Variants in ACACA observed in about 807,000 individuals in gnomAD.
The protein encoded by ACACA is acetyl-CoA carboxylase 1.
A neutral mutation model predicts 296.1 loss-of-function variants in ACACA; 103 were observed. That is an observed-to-expected ratio of 0.35 (90% CI 0.30 to 0.41). The LOEUF is 0.41. Among genes scored for constraint, ACACA ranks in the 10% least tolerant of loss-of-function variants. ACACA has a pLI of 1.00. For missense variants in ACACA, 1,554 were observed against 2,989.7 expected (o/e 0.52, Z 11.20); for synonymous variants, 953 against 1,038.6 (o/e 0.92, Z 1.58).
At chr17:37,218,141 C>T (rs1244692545) in intron 29 of ACACA, among the ~76,000 whole-genome samples, 1 of 75,502 alleles carries the variant, frequency 1.3e-5, no homozygotes, top group Admixed American at 2.1e-4. Context: ...CGGGCACTAC[C>T]AGTAACAAAA....
intron 5 of ACACA, among the ~76,000 whole-genome samples, chr17:37,279,062 A>G (rs926144224): frequency 6.6e-6 from 1 of 152,144 alleles, no homozygotes; most frequent in Non-Finnish European, 1.5e-5. Context: ...GCCAACAAAC[A>G]TATTTTAAAA....
At chr17:37,191,385 T>A in intron 37 of ACACA, 110 bp from the exon 38 acceptor site, 2 of 1,098,418 alleles carry the variant, frequency 1.8e-6, no homozygotes, top group Non-Finnish European at 2.7e-6. Context: ...AGGCACTTGG[T>A]GAAGAGATTG....
intron 24 of ACACA, among the ~76,000 whole-genome samples, chr17:37,238,460 C>T (rs1298959551): frequency 6.6e-6 from 1 of 152,066 alleles, no homozygotes; most frequent in Non-Finnish European, 1.5e-5. Flanking sequence ...TCTATCTCTA[C>T]ACCTATCTCA....
chr17:37,228,238 T>C (rs1463796480), intron 25 of ACACA, among the ~76,000 whole-genome samples: 1 of 118,592 alleles, frequency 8.4e-6, no homozygotes, highest in Non-Finnish European at 1.7e-5. Context: ...TTTGAGAAAA[T>C]GATATAATGA....
chr17:37,174,439 A>G (rs1001408848), intron 41 of ACACA, among the ~76,000 whole-genome samples: 1 of 152,146 alleles, frequency 6.6e-6, no homozygotes, highest in African/African-American at 2.4e-5. Context: ...CCTAGCGCCC[A>G]TCTGAAAAAA....
At chr17:37,118,642 A>T (rs545350265) in intron 50 of ACACA, among the ~76,000 whole-genome samples, 5 of 152,330 alleles carry the variant, frequency 3.3e-5, no homozygotes, top group South Asian at 4.1e-4. Flanking sequence ...TGTTACAGGA[A>T]GTCAGACAGA....
intron 39 of ACACA, 69 bp downstream of exon 39, chr17:37,188,208 A>G (rs1004091995): frequency 2.7e-6 from 4 of 1,464,018 alleles, no homozygotes; most frequent in Non-Finnish European, 3.8e-6. Context: ...TGGGTCTTCT[A>G]TAACAAGGAC....
At chr17:37,287,282 A>G (rs1180430671) in intron 3 of ACACA, among the ~76,000 whole-genome samples, 1 of 152,234 alleles carries the variant, frequency 6.6e-6, no homozygotes, top group Non-Finnish European at 1.5e-5. Context: ...TTCTGTGCAC[A>G]TATAGTTTTA....
chr17:37,150,256 T>C (rs2075981168), intron 44 of ACACA, among the ~76,000 whole-genome samples: 1 of 151,496 alleles, frequency 6.6e-6, no homozygotes. Context: ...CAAGACTACC[T>C]TGGGGCCGGG....
At chr17:37,123,320 A>T (rs2074615303) in intron 48 of ACACA, among the ~76,000 whole-genome samples, 1 of 152,206 alleles carries the variant, frequency 6.6e-6, no homozygotes, top group African/African-American at 2.4e-5. Flanking sequence ...TATTAGAATT[A>T]TATATTTAAT....
intron 1 of ACACA, among the ~76,000 whole-genome samples, chr17:37,386,329 T>C (rs1157373688): frequency 6.6e-6 from 1 of 152,116 alleles, no homozygotes; most frequent in Non-Finnish European, 1.5e-5. Flanking sequence ...CTGTGGCTCA[T>C]GTCTGTAATC....
intron 1 of ACACA, among the ~76,000 whole-genome samples, chr17:37,347,744 G>A (rs1280086760): frequency 1.8e-5 from 2 of 112,688 alleles, no homozygotes; most frequent in African/African-American, 3.9e-5. Flanking sequence ...CCCTACTTAC[G>A]TAAAAAAAAA....
chr17:37,263,979 A>G, intron 10 of ACACA, 85 bp from the exon 11 acceptor site: 1 of 1,102,818 alleles, frequency 9.1e-7, no homozygotes, highest in Non-Finnish European at 1.3e-6. Flanking sequence ...TGATTTCAAC[A>G]AGCAGATGTC....
rs367676848 is a variant in ACACA, at chr17:37,161,824, T to C, written c.5306A>G (p.His1769Arg). Reference sequence around the variant, plus strand: ...ATCTACCCAGGCCACATGAAACATATGGCGAATTTCTTCTGCCAGTCCGAT... The same window carrying C: ...ATCTACCCAGGCCACATGAAACATACGGCGAATTTCTTCTGCCAGTCCGAT... ...ARIGLAEEIR[H>R]MFHVAWVDPE... is the part of the protein sequence containing the mutation. Residue 1769 changes from histidine (H) to arginine (R), a missense_variant, in exon 42 of 56, where the codon CAT becomes CGT. Around this residue, in one of 16 missense-constraint regions of ACACA, gnomAD observed 553 missense variants for 1,043.6 expected, o/e 0.53. Coordinates refer to ENST00000616317, the MANE Select transcript of ACACA (RefSeq NM_198834.3). 7 of 1,613,836 alleles carry C rather than the reference T, an allele frequency of 4.3e-6. No homozygotes were observed. The highest frequency in any genetic ancestry group is 4.2e-6 in the Non-Finnish European group (5 of 1,180,002).
intron 42 of ACACA, among the ~76,000 whole-genome samples, chr17:37,158,905 C>CA (rs1302495421): frequency 1.3e-5 from 2 of 152,008 alleles, no homozygotes; most frequent in Non-Finnish European, 2.9e-5. Context: ...TGGCCAGGCA[C>CA]AGTGGCTAAT....
rs2072140035 is a variant in ACACA, at chr17:37,085,495, G to T, written c.*1821C>A. 2 of 397,792 alleles carry T rather than the reference G, an allele frequency of 5.0e-6. No homozygotes were observed. Among genetic ancestry groups the T allele is most frequent in the African/African-American group, 2.1e-5 (1 of 48,730 alleles). The allele number at this position is 397,792 out of a possible 1,614,324, so 24.6% of individuals were successfully genotyped here. ...TGATTTATTGCAAAAAAGCATAGAA[G>T]AATAATCTGGTCAAAAATGAATCCA... On this transcript the variant is annotated 3_prime_UTR_variant, in exon 56 of 56. Coordinates refer to ENST00000616317, the MANE Select transcript of ACACA (RefSeq NM_198834.3).
rs183448175 is a variant in ACACA at position 37,333,498 on chromosome 17, A to G, written c.86-3073T>C. The stretch of plus-strand genomic sequence containing the variant: ...CAGGAAACCAAGCCCCAGTACTCAG[A>G]AGAAGAAATAGAATGGGGAACCTCA... On this transcript the variant is annotated intron_variant, in intron 2 of 55. Coordinates refer to ENST00000616317, the MANE Select transcript of ACACA (RefSeq NM_198834.3). Among the ~76,000 whole-genome samples the G allele has an allele frequency of 1.9e-3, 296 of 152,240 alleles. 2 individuals are homozygous for G. The highest frequency in any genetic ancestry group is 6.9e-3 in the African/African-American group (287 of 41,550).
At chr17:37,253,454 G>A (rs2081086818) in intron 14 of ACACA, among the ~76,000 whole-genome samples, 1 of 152,114 alleles carries the variant, frequency 6.6e-6, no homozygotes, top group Admixed American at 6.6e-5. Context: ...ATCTTGAGAG[G>A]GAAGGGAGAG....
At chr17:37,203,481 C>A (rs911976931) in intron 33 of ACACA, among the ~76,000 whole-genome samples, 1 of 151,846 alleles carries the variant, frequency 6.6e-6, no homozygotes, top group South Asian at 2.1e-4. Flanking sequence ...CAGTGGCTCA[C>A]GCTTGTAATC....
Sources: gnomAD v4.1 joint callset for allele counts (sites outside exome capture counted in the v4.1 genomes callset) on GRCh38, gnomAD v4.1.1 for gene constraint, gnomAD v4.1.1 regional missense constraint, MANE v1.5 for transcripts, NCBI Gene and HGNC (gene_info 2026-07-23, HGNC 2026-07-21) for gene names.